UBE3A: variants seen among roughly 807,000 people sequenced by gnomAD.
The protein encoded by UBE3A is ubiquitin-protein ligase E3A.
In UBE3A, 6 loss-of-function variants were observed where a neutral mutation model predicts 83.4. The observed-to-expected ratio is 0.07, with a 90% CI of 0.04 to 0.14. The LOEUF is 0.14. UBE3A is among the 10% of genes least tolerant of loss of function. The pLI, the probability that UBE3A is intolerant of heterozygous loss-of-function variation, is 1.00. For synonymous variants in UBE3A, 337 were observed against 355.4 expected (o/e 0.95, Z 0.58); for missense variants, 456 against 1,036.1 (o/e 0.44, Z 7.69).
intron 6 of UBE3A, among the ~76,000 whole-genome samples, chr15:25,367,249 G>GCATATTTGTAAATATGTAAATATTTA (rs1371857561): frequency 3.9e-4 from 19 of 49,324 alleles, no homozygotes; most frequent in African/African-American, 6.6e-4. Flanking sequence ...GTAAATATTT[G>GCATATTTGTAAATATGTAAATATTTA]CATATTTGTA....
chr15:25,394,931 A>G (rs1861096342), intron 4 of UBE3A, among the ~76,000 whole-genome samples: 2 of 152,210 alleles, frequency 1.3e-5, no homozygotes, highest in South Asian at 4.1e-4. Flanking sequence ...CAAAGAAATC[A>G]ATATGCAAGA....
chr15:25,396,412 C>A (rs191772980), intron 4 of UBE3A, among the ~76,000 whole-genome samples: 1 of 152,196 alleles, frequency 6.6e-6, no homozygotes, highest in Non-Finnish European at 1.5e-5. Flanking sequence ...TCAAGACCAG[C>A]CTGGGCAACA....
intron 6 of UBE3A, among the ~76,000 whole-genome samples, chr15:25,366,757 G>A (rs947002970): frequency 2.0e-5 from 3 of 151,466 alleles, no homozygotes; most frequent in Admixed American, 1.3e-4. Flanking sequence ...CTCTATATAT[G>A]CACACATACA....
chr15:25,383,306 CAGA>C (rs1015037596), intron 4 of UBE3A, among the ~76,000 whole-genome samples: 12 of 152,064 alleles, frequency 7.9e-5, no homozygotes, highest in African/African-American at 2.9e-4. Flanking sequence ...TCAACTGACT[CAGA>C]AGAAGCATTT....
intron 6 of UBE3A, among the ~76,000 whole-genome samples, chr15:25,364,883 T>C (rs1293474459): frequency 2.0e-5 from 3 of 151,912 alleles, no homozygotes; most frequent in East Asian, 3.9e-4. Flanking sequence ...CCTGACCTTG[T>C]GATCTGCCCG....
chr15:25,339,724 T>G (rs2074407856), intron 12 of UBE3A: 1 of 330,732 alleles, frequency 3.0e-6, no homozygotes, highest in African/African-American at 2.1e-5. Context: ...AGAAAATGAT[T>G]TGATAACAGG....
chr15:25,342,698 C>A (rs549322025), intron 11 of UBE3A, among the ~76,000 whole-genome samples: 1 of 152,054 alleles, frequency 6.6e-6, no homozygotes, highest in South Asian at 2.1e-4. Context: ...ACAATAAACT[C>A]CAAATACCAA....
chr15:25,414,497 G>C lies in UBE3A; in HGVS notation c.-164-2526C>G, dbSNP rs563454514. 1.9e-3 allele frequency among the ~76,000 whole-genome samples: 285 copies of C among 152,228 alleles called. 1 individual carries two copies. Among genetic ancestry groups the C allele is most frequent in the African/African-American group, 6.7e-3 (277 of 41,534 alleles). ...AAGTGTTGTGATGGAGAGATACAGG[G>C]GGTGTTAAGTTGTGTACTGTAATAA... is the stretch of plus-strand genomic sequence containing the variant. On this transcript the variant is annotated intron_variant, in intron 1 of 12. Coordinates refer to ENST00000648336, the MANE Select transcript of UBE3A (RefSeq NM_130839.5).
chr15:25,404,389 G>A (rs905307034), intron 4 of UBE3A, among the ~76,000 whole-genome samples: 1 of 151,884 alleles, frequency 6.6e-6, no homozygotes, highest in Admixed American at 6.6e-5. Context: ...TATATTACCT[G>A]TATGAGAGAT....
intron 4 of UBE3A, among the ~76,000 whole-genome samples, chr15:25,392,274 T>C (rs913133361): frequency 1.3e-5 from 2 of 152,190 alleles, no homozygotes; most frequent in Non-Finnish European, 2.9e-5. Flanking sequence ...TTGGCCTTCC[T>C]AAGAAATATA....
chr15:25,394,158 A>G (rs569860374), intron 4 of UBE3A, among the ~76,000 whole-genome samples: 3 of 152,308 alleles, frequency 2.0e-5, no homozygotes, highest in Admixed American at 2.0e-4. Context: ...ATTATATATA[A>G]TAACTGCCTA....
At chr15:25,414,912 T>C (rs2090600580) in intron 1 of UBE3A, among the ~76,000 whole-genome samples, 1 of 152,238 alleles carries the variant, frequency 6.6e-6, no homozygotes, top group South Asian at 2.1e-4. Context: ...AGAACATGTG[T>C]ATCATTTGCT....
At chr15:25,423,965 G>A (rs868107325) in intron 1 of UBE3A, among the ~76,000 whole-genome samples, 1 of 152,046 alleles carries the variant, frequency 6.6e-6, no homozygotes, top group African/African-American at 2.4e-5. Context: ...TTTCAGTCAC[G>A]TCTTAATCTG....
chr15:25,385,559 G>C (rs1305804173), intron 4 of UBE3A, among the ~76,000 whole-genome samples: 2 of 152,014 alleles, frequency 1.3e-5, no homozygotes, highest in Non-Finnish European at 2.9e-5. Flanking sequence ...ATTTGAAATA[G>C]AATTACCTCC....
At chr15:25,421,007 A>C (rs1036233108) in intron 1 of UBE3A, among the ~76,000 whole-genome samples, 1 of 152,266 alleles carries the variant, frequency 6.6e-6, no homozygotes, top group Non-Finnish European at 1.5e-5. Context: ...ATGCTACAAC[A>C]TGAATGAACT....
At chr15:25,347,759 T>A (rs1595481526) in intron 11 of UBE3A, among the ~76,000 whole-genome samples, 1 of 151,874 alleles carries the variant, frequency 6.6e-6, no homozygotes, top group African/African-American at 2.4e-5. Flanking sequence ...TCAAGGGTCT[T>A]AAAAATCTTA....
chr15:25,351,658 C>T (rs562707789), intron 11 of UBE3A, among the ~76,000 whole-genome samples: 4 of 152,206 alleles, frequency 2.6e-5, no homozygotes, highest in East Asian at 2.0e-4. Context: ...TTAGTAGAGA[C>T]GGGGTTTCCC....
At chr15:25,397,745 C>A (rs2085914351) in intron 4 of UBE3A, among the ~76,000 whole-genome samples, 1 of 152,078 alleles carries the variant, frequency 6.6e-6, no homozygotes, top group East Asian at 1.9e-4. Context: ...CTTCTCTTTC[C>A]CTCCCTGTTC....
chr15:25,393,081 T>C (rs1293124461), intron 4 of UBE3A, among the ~76,000 whole-genome samples: 1 of 152,046 alleles, frequency 6.6e-6, no homozygotes. Flanking sequence ...CTGACAAAAT[T>C]TGCCTTTTCA....
Sources: allele counts gnomAD v4.1 joint callset (sites outside exome capture counted in the v4.1 genomes callset), GRCh38; gene constraint gnomAD v4.1.1; transcripts MANE v1.5; gene names NCBI Gene and HGNC (gene_info 2026-07-23, HGNC 2026-07-21).